Variants in TIMM23B observed in about 807,000 individuals in gnomAD.
TIMM23B encodes mitochondrial import inner membrane translocase subunit Tim23B.
In TIMM23B, 27 loss-of-function variants were observed where a neutral mutation model predicts 27.3. The ratio of observed to expected loss-of-function variants is 0.99; its 90% CI spans 0.73 to 1.36. The LOEUF is 1.36. Ranked by LOEUF, TIMM23B falls within the 40% of genes most tolerant of loss-of-function variation. The probability of loss-of-function intolerance (pLI) is 0.00; values close to 1 mark genes in which losing one functional copy is unlikely to be tolerated. For synonymous variants in TIMM23B, 73 were observed against 92.4 expected, an observed-to-expected ratio of 0.79 and a Z score of 1.21; for missense variants, 205 against 244.2, an observed-to-expected ratio of 0.84 and a Z score of 1.07.
chr10:49,947,055 C>T (rs1479311923), intron 2 of TIMM23B, among the ~76,000 whole-genome samples: 3 of 152,198 alleles, frequency 2.0e-5, no homozygotes, highest in Non-Finnish European at 4.4e-5. Context: ...GACGTTAGGA[C>T]AACTGGAATC....
At position 49,973,551 on chromosome 10, in the gene TIMM23B, C is replaced by A. The variant is rs1433957553; in HGVS notation, c.*487C>A. The A allele has an allele frequency of 2.6e-5, 4 of 156,374 alleles. No homozygotes were observed. The highest frequency in any genetic ancestry group is 9.7e-5 in the African/African-American group (4 of 41,086). The allele number at this position is 156,374 out of a possible 1,614,324, so 9.7% of individuals were successfully genotyped here. A position where few individuals can be genotyped will look rare whatever the true frequency, so the allele number is the denominator to read the frequency against. The stretch of plus-strand genomic sequence containing the variant: ...CATTGGCTGGGCATGGTGGCTCATT[C>A]CTATAGTTCAGGCTACTGAGGAGCC... On this transcript the variant is annotated 3_prime_UTR_variant, in exon 7 of 7. Transcript: ENST00000651259.
chr10:49,967,728 A>C (rs1554855658), intron 6 of TIMM23B, among the ~76,000 whole-genome samples: 1 of 152,112 alleles, frequency 6.6e-6, no homozygotes, highest in Non-Finnish European at 1.5e-5. Flanking sequence ...ACAGAAAGTT[A>C]GACTCTCATT....
At chr10:49,946,018 T>C (rs1839346134) in intron 2 of TIMM23B, among the ~76,000 whole-genome samples, 2 of 152,226 alleles carry the variant, frequency 1.3e-5, no homozygotes, top group Non-Finnish European at 2.9e-5. Flanking sequence ...AGCGAAACGC[T>C]GTTTCTACTA....
intron 6 of TIMM23B, among the ~76,000 whole-genome samples, chr10:49,969,416 G>A (rs1210781283): frequency 1.4e-5 from 2 of 139,762 alleles, no homozygotes; most frequent in African/African-American, 5.4e-5. Flanking sequence ...TAGCCTGGGC[G>A]ACAGAGTGAG....
At chr10:49,949,192 C>T (rs1266431931) in intron 2 of TIMM23B, among the ~76,000 whole-genome samples, 1 of 115,052 alleles carries the variant, frequency 8.7e-6, no homozygotes, top group South Asian at 2.9e-4. Context: ...GCCACCATGC[C>T]TGGCCTTTTT....
At chr10:49,968,536 T>G (rs149508556) in intron 6 of TIMM23B, among the ~76,000 whole-genome samples, 1,802 of 152,300 alleles carry the variant, frequency 0.012, 20 homozygotes, top group African/African-American at 0.041. Flanking sequence ...ATTAAGCTAT[T>G]TAAAACAGAA....
intron 5 of TIMM23B, among the ~76,000 whole-genome samples, chr10:49,958,057 G>A (rs1289670866): frequency 0.018 from 2,669 of 152,288 alleles, 40 homozygotes; most frequent in Non-Finnish European, 0.026. Context: ...GAGTCCTGCT[G>A]TGGGGAGAAA....
At chr10:49,957,775 T>G (rs1198909423) in intron 5 of TIMM23B, among the ~76,000 whole-genome samples, 70 of 152,222 alleles carry the variant, frequency 4.6e-4, no homozygotes, top group African/African-American at 1.6e-3. Context: ...TGTGGAAAAT[T>G]GATTGGATAG....
At chr10:49,960,539 T>G (rs1210135202) in intron 6 of TIMM23B, among the ~76,000 whole-genome samples, 2 of 152,168 alleles carry the variant, frequency 1.3e-5, no homozygotes, top group Admixed American at 6.5e-5. Flanking sequence ...GTTAGCTCAT[T>G]TACCATTCTC....
intron 1 of TIMM23B, 86 bp downstream of exon 1, chr10:49,942,386 GT>G (rs1253990746): frequency 1.2e-5 from 19 of 1,535,920 alleles, no homozygotes; most frequent in Admixed American, 6.1e-5. Flanking sequence ...TATGTTGTTG[GT>G]TTTTTTTTCC....
intron 6 of TIMM23B, among the ~76,000 whole-genome samples, chr10:49,959,034 C>T (rs1400684367): frequency 1.3e-5 from 2 of 152,144 alleles, no homozygotes; most frequent in Admixed American, 6.5e-5. Flanking sequence ...TTGCTTCTAC[C>T]TTTTGGCTAT....
At chr10:49,967,229 T>C (rs1840201420) in intron 6 of TIMM23B, among the ~76,000 whole-genome samples, 1 of 152,142 alleles carries the variant, frequency 6.6e-6, no homozygotes, top group East Asian at 1.9e-4. Context: ...GCCCCCTCTT[T>C]TTTTAAATTT....
chr10:49,963,410 G>A lies in TIMM23B; in HGVS notation c.514+4930G>A, dbSNP rs28469405. Among the ~76,000 whole-genome samples the A allele has an allele frequency of 2.2e-4, 34 of 151,990 alleles. No individual in the cohort carries two copies. In the East Asian group the frequency reaches 2.9e-3, roughly 13 times the overall value. ...ATGATGAAATGAATAATGAAATGCC[G>A]GGTGCAGTGGTGCACTCCAACCTGG... On this transcript the variant is annotated intron_variant, in intron 6 of 6. Transcript: ENST00000651259.
At chr10:49,948,549 A>G (rs1409219973) in intron 2 of TIMM23B, among the ~76,000 whole-genome samples, 3 of 152,360 alleles carry the variant, frequency 2.0e-5, no homozygotes, top group East Asian at 1.9e-4. Context: ...AAAAAGAACT[A>G]TTAAATTATG....
intron 6 of TIMM23B, among the ~76,000 whole-genome samples, chr10:49,966,454 T>C (rs146855742): frequency 0.064 from 9,697 of 151,962 alleles, 415 homozygotes; most frequent in African/African-American, 0.1. Context: ...TGAAATGAAA[T>C]GAATAATGAA....
At chr10:49,947,699 C>CG (rs1839398499) in intron 2 of TIMM23B, among the ~76,000 whole-genome samples, 1 of 151,996 alleles carries the variant, frequency 6.6e-6, no homozygotes, top group African/African-American at 2.4e-5. Flanking sequence ...GAGGCTGAGG[C>CG]GGGAGGATCA....
rs1169308590 is a variant in TIMM23B at position 49,954,993 on chromosome 10, C to A, written c.345-9C>A. On this transcript the variant is annotated splice_polypyrimidine_tract_variant and intron_variant, in intron 4 of 6. Transcript: ENST00000651259. ...TAAATACAGATTCTTTCTCTTTCTG[C>A]CCTGATAGGATTTTGAATATGGTGA... The A allele has an allele frequency of 6.2e-7, 1 of 1,612,214 alleles. No individual in the cohort carries two copies. Among genetic ancestry groups the A allele is most frequent in the African/African-American group, 1.3e-5 (1 of 74,808 alleles).
chr10:49,951,747 G>A (rs1470517513), intron 2 of TIMM23B, among the ~76,000 whole-genome samples: 1 of 152,188 alleles, frequency 6.6e-6, no homozygotes, highest in Non-Finnish European at 1.5e-5. Flanking sequence ...ATAGAAAAAT[G>A]CACAATAAAT....
chr10:49,965,511 CGAAAT>C (rs1554855256), intron 6 of TIMM23B, among the ~76,000 whole-genome samples: 1 of 142,078 alleles, frequency 7.0e-6, no homozygotes, highest in African/African-American at 2.6e-5. Flanking sequence ...GTCTCTGTCT[CGAAAT>C]GAAATGAAAC....
Sources: allele counts gnomAD v4.1 joint callset (sites outside exome capture counted in the v4.1 genomes callset), GRCh38; gene constraint gnomAD v4.1.1; transcripts MANE v1.5; gene names NCBI Gene and HGNC (gene_info 2026-07-23, HGNC 2026-07-21).